Variants in DLG2 observed in about 807,000 individuals in gnomAD.
DLG2 encodes the protein disks large homolog 2.
A neutral mutation model predicts 132.5 loss-of-function variants in DLG2; 45 were observed. That is an observed-to-expected ratio of 0.34 (90% CI 0.27 to 0.44). The LOEUF is 0.44. Ranked by LOEUF, DLG2 falls within the 20% of genes least tolerant of loss-of-function variation. The probability of loss-of-function intolerance (pLI) is 1.00; values close to 1 mark genes in which losing one functional copy is unlikely to be tolerated. For synonymous variants in DLG2, 424 were observed against 419.6 expected, an observed-to-expected ratio of 1.01 and a Z score of -0.13; for missense variants, 1,045 against 1,196.9, an observed-to-expected ratio of 0.87 and a Z score of 1.87.
chr11:84,687,104 AG>A (rs1025199738), intron 6 of DLG2: 3 of 152,068 alleles, frequency 2.0e-5, no homozygotes, highest in African/African-American at 7.2e-5. Flanking sequence ...AATACTTAGA[AG>A]GACTTCTGTT....
At position 83,716,654 on chromosome 11, in the gene DLG2, C is replaced by G. The variant is rs563357251; in HGVS notation, c.1825+70036G>C. On this transcript the variant is annotated intron_variant, in intron 18 of 27. Coordinates refer to ENST00000376104, the MANE Select transcript of DLG2 (RefSeq NM_001142699.3). ...CATTTTGCAGATAGAAACCAAAGAT[C>G]GAGAGGTCAAGGGATGATTTCCTTT... 1.2e-4 allele frequency among the ~76,000 whole-genome samples: 19 copies of G among 152,260 alleles called. No homozygotes were observed. The South Asian group carries it at 3.9e-3, about 32-fold the overall frequency.
chr11:84,927,662 T>A (rs2047556661), intron 6 of DLG2, among the ~76,000 whole-genome samples: 1 of 152,052 alleles, frequency 6.6e-6, no homozygotes, highest in African/African-American at 2.4e-5. Context: ...TGTGTTCCAA[T>A]AAAACTTTAT....
chr11:83,991,035 C>CT (rs1482386491), intron 11 of DLG2, among the ~76,000 whole-genome samples: 2 of 152,154 alleles, frequency 1.3e-5, no homozygotes, highest in Non-Finnish European at 2.9e-5. Context: ...TGATGAGAGA[C>CT]TACTTGTCAT....
In DLG2 at chr11:84,584,782, G is replaced by A. The variant is rs1226485731; in HGVS notation, c.358-50051C>T. 4.8e-5 allele frequency among the ~76,000 whole-genome samples: 7 copies of A among 145,580 alleles called. No individual in the cohort carries two copies. The East Asian group carries it at 6.1e-4, about 13-fold the overall frequency. Reference sequence around the variant, plus strand: ...GGGCTCACTGCAAGCTCTGCCTCCCGGGTTCACGCCATTCTCCTGCCTCAG... The same window carrying A: ...GGGCTCACTGCAAGCTCTGCCTCCCAGGTTCACGCCATTCTCCTGCCTCAG... On this transcript the variant is annotated intron_variant, in intron 6 of 27. Transcript: ENST00000376104.
intron 18 of DLG2, 23 bp downstream of exon 18, chr11:83,786,667 T>A (rs779188069): frequency 1.1e-5 from 18 of 1,566,840 alleles, no homozygotes; most frequent in Non-Finnish European, 1.3e-5. Context: ...ATCAGAACAT[T>A]ATTAGTTTGA....
chr11:83,686,392 T>C (rs754969680), intron 18 of DLG2, among the ~76,000 whole-genome samples: 2 of 143,750 alleles, frequency 1.4e-5, no homozygotes, highest in Non-Finnish European at 2.9e-5. Context: ...CATTATATAC[T>C]AAATATTGTA....
intron 3 of DLG2, among the ~76,000 whole-genome samples, chr11:85,443,024 A>G (rs1425202113): frequency 2.0e-5 from 3 of 152,218 alleles, no homozygotes; most frequent in Non-Finnish European, 4.4e-5. Context: ...AACGGGGGGA[A>G]ATATAACAAA....
intron 7 of DLG2, among the ~76,000 whole-genome samples, chr11:84,464,073 G>C (rs571168174): frequency 2.0e-5 from 3 of 151,298 alleles, no homozygotes; most frequent in South Asian, 2.1e-4. Context: ...CTTGCAATGA[G>C]TTGGTCATAC....
At chr11:84,127,539 T>A (rs1472321197) in intron 9 of DLG2, among the ~76,000 whole-genome samples, 1 of 152,144 alleles carries the variant, frequency 6.6e-6, no homozygotes, top group Non-Finnish European at 1.5e-5. Flanking sequence ...TTCTGGTGAT[T>A]TGTCGGTAAT....
intron 6 of DLG2, among the ~76,000 whole-genome samples, chr11:84,801,170 A>T (rs1490308190): frequency 3.9e-5 from 6 of 152,148 alleles, no homozygotes; most frequent in Non-Finnish European, 8.8e-5. Context: ...CTCAGGAAAA[A>T]CTTCACAGTA....
At chr11:85,568,794 C>G (rs1321638772) in intron 3 of DLG2, among the ~76,000 whole-genome samples, 1 of 151,728 alleles carries the variant, frequency 6.6e-6, no homozygotes, top group Non-Finnish European at 1.5e-5. Flanking sequence ...TTTGAGTCAT[C>G]TCTCTTTTTT....
intron 6 of DLG2, among the ~76,000 whole-genome samples, chr11:84,547,210 A>T (rs940402750): frequency 3.3e-5 from 5 of 152,216 alleles, no homozygotes; most frequent in African/African-American, 1.2e-4. Context: ...TTACTGGAAC[A>T]TTAGATATGT....
intron 18 of DLG2, among the ~76,000 whole-genome samples, chr11:83,662,246 G>T (rs527274331): frequency 1.1e-3 from 166 of 152,286 alleles, no homozygotes; most frequent in Admixed American, 2.6e-3. Flanking sequence ...AAGATGGCCT[G>T]AATTATCTAT....
chr11:84,226,582 T>C, intron 8 of DLG2, among the ~76,000 whole-genome samples: 1 of 152,192 alleles, frequency 6.6e-6, no homozygotes, highest in East Asian at 1.9e-4. Flanking sequence ...GTACAGTTCA[T>C]AAACTGACTA....
At chr11:84,543,829 T>C (rs2099384142) in intron 6 of DLG2, among the ~76,000 whole-genome samples, 1 of 151,970 alleles carries the variant, frequency 6.6e-6, no homozygotes, top group South Asian at 2.1e-4. Flanking sequence ...TAAACAAAAC[T>C]CAAAAGTGAA....
intron 6 of DLG2, among the ~76,000 whole-genome samples, chr11:84,917,836 A>G (rs1393777645): frequency 6.6e-6 from 1 of 152,250 alleles, no homozygotes; most frequent in South Asian, 2.1e-4. Flanking sequence ...GCTCACAACC[A>G]TTTGGAGACC....
chr11:85,565,572 T>C (rs913174776), intron 3 of DLG2, among the ~76,000 whole-genome samples: 1 of 152,120 alleles, frequency 6.6e-6, no homozygotes, highest in Non-Finnish European at 1.5e-5. Context: ...TAGATTTGCC[T>C]ACAGCAGACA....
chr11:85,410,479 A>G (rs1030383831), intron 3 of DLG2, among the ~76,000 whole-genome samples: 4 of 151,770 alleles, frequency 2.6e-5, no homozygotes, highest in Non-Finnish European at 5.9e-5. Context: ...TCATAATATA[A>G]TTATTTTCTT....
chr11:84,028,166 C>A (rs1305124083), intron 11 of DLG2, among the ~76,000 whole-genome samples: 1 of 151,950 alleles, frequency 6.6e-6, no homozygotes, highest in East Asian at 1.9e-4. Context: ...AATCTCTCTT[C>A]ATTTCAAATA....
Sources: gnomAD v4.1 joint callset for allele counts (sites outside exome capture counted in the v4.1 genomes callset) on GRCh38, gnomAD v4.1.1 for gene constraint, MANE v1.5 for transcripts, NCBI Gene and HGNC (gene_info 2026-07-23, HGNC 2026-07-21) for gene names.